GFPT2: variants seen among roughly 807,000 people sequenced by gnomAD.
The protein encoded by GFPT2 is glutamine--fructose-6-phosphate aminotransferase [isomerizing] 2.
GFPT2 carries 62 observed loss-of-function variants against 85.6 expected under a neutral mutation model. The ratio of observed to expected loss-of-function variants is 0.72; its 90% confidence interval spans 0.59 to 0.90. GFPT2 has a LOEUF of 0.90. Ranked by LOEUF, GFPT2 falls within the 40% of genes least tolerant of loss-of-function variation. The pLI is 0.00. For missense variants in GFPT2, 788 were observed against 893.4 expected, an observed-to-expected ratio of 0.88 and a Z score of 1.50; for synonymous variants, 368 against 344.5, an observed-to-expected ratio of 1.07 and a Z score of -0.75.
chr5:180,330,893 C>CAACT lies in GFPT2; in HGVS notation c.400-63_400-60dup. 6.7e-7 allele frequency: 1 copy of CAACT among 1,501,754 alleles called. No homozygotes were observed. The highest frequency in any genetic ancestry group is 9.2e-7 in the Non-Finnish European group (1 of 1,084,084). The allele number at this position is 1,501,754 out of a possible 1,614,324, so 93.0% of individuals were successfully genotyped here. A position where few individuals can be genotyped will look rare whatever the true frequency, so the allele number is the denominator to read the frequency against. On this transcript the variant is annotated intron_variant, in intron 5 of 18. Transcript: ENST00000253778. This position sits in a 1 kb window ranked among gnomAD's most constrained non-coding sequence, Gnocchi z 4.4. ...GGTCATTGCACAATGCCTGCCTGGC[C>CAACT]AACTCCCTCTCCTCCCTGGTGATCT...
intron 15 of GFPT2, among the ~76,000 whole-genome samples, chr5:180,309,624 C>T (rs567229915): frequency 6.6e-5 from 10 of 152,152 alleles, no homozygotes; most frequent in Admixed American, 1.3e-4. Flanking sequence ...GTTGGTCAGG[C>T]TGGTCTCGAA....
chr5:180,347,818 T>TG, intron 1 of GFPT2, among the ~76,000 whole-genome samples: 1 of 150,948 alleles, frequency 6.6e-6, no homozygotes, highest in South Asian at 2.1e-4. Context: ...GTGCTGAGCG[T>TG]GGGGGTGGAG....
chr5:180,335,856 G>A lies in GFPT2; in HGVS notation c.312C>T (p.Ser104=). Residue 104 remains serine, a synonymous_variant, in exon 4 of 19, where the codon AGC becomes AGT. Transcript: ENST00000253778. ...ATHGVPSAVN[S]HPQRSDKGNE... Reference sequence around the variant, plus strand: ...TGCCTTTGTCTGAGCGCTGAGGGTGGCTGTTGACAGCACTGGGGACCCCGT... The same window carrying A: ...TGCCTTTGTCTGAGCGCTGAGGGTGACTGTTGACAGCACTGGGGACCCCGT... The A allele has an allele frequency of 6.3e-7, 1 of 1,593,528 alleles. No homozygotes were observed. The highest frequency in any genetic ancestry group is 8.5e-7 in the Non-Finnish European group (1 of 1,173,202).
intron 18 of GFPT2, among the ~76,000 whole-genome samples, 172 bp from the exon 19 acceptor site, chr5:180,301,780 C>T (rs983615874): frequency 2.0e-5 from 3 of 152,000 alleles, no homozygotes; most frequent in Non-Finnish European, 4.4e-5. Flanking sequence ...CTCATTTAAC[C>T]GTATAAGGTT....
At chr5:180,336,656 G>C (rs1280973342) in intron 2 of GFPT2, 79 bp from the exon 3 acceptor site, 6 of 918,134 alleles carry the variant, frequency 6.5e-6, no homozygotes, top group African/African-American at 1.6e-5. Flanking sequence ...CGCAGGGTCA[G>C]GGCTGCATGC....
intron 14 of GFPT2, 25 bp downstream of exon 14, chr5:180,313,782 G>C: frequency 1.3e-6 from 2 of 1,531,244 alleles, no homozygotes; most frequent in Non-Finnish European, 1.7e-6. Context: ...CTCTCCCTGG[G>C]ACGGGCGCCC....
Position 180,343,123 on chromosome 5 carries a change from G to A in GFPT2, c.8-4523C>T, listed in dbSNP as rs1399284979. 1.3e-5 allele frequency among the ~76,000 whole-genome samples: 2 copies of A among 152,190 alleles called. 1 individual carries two copies. Among genetic ancestry groups the A allele is most frequent in the Non-Finnish European group, 2.9e-5 (2 of 68,030 alleles). On this transcript the variant is annotated intron_variant, in intron 1 of 18. Coordinates refer to ENST00000253778, the MANE Select transcript of GFPT2 (RefSeq NM_005110.4). ...TGTACCACCCTAAGGGAAGCAGACA[G>A]ACATCACAGATGACACAAAGGTTCA...
chr5:180,329,347 A>G (rs949693438), intron 6 of GFPT2, among the ~76,000 whole-genome samples: 2 of 152,196 alleles, frequency 1.3e-5, no homozygotes, highest in African/African-American at 4.8e-5. Flanking sequence ...TTTTGTCAAC[A>G]ATAAAATAGG....
At position 180,331,324 on chromosome 5, in the gene GFPT2, G is replaced by C. The variant is rs1346159474; in HGVS notation, c.399+171C>G. 3 of 606,394 alleles carry C rather than the reference G, an allele frequency of 4.9e-6. No individual in the cohort carries two copies. In the African/African-American group the frequency reaches 5.6e-5, roughly 11 times the overall value. 37.6% of individuals were successfully genotyped at this position (606,394 alleles called of 1,614,324 possible). Reference sequence around the variant, plus strand: ...CCTGTTATCTCCTCAAACGAGATCTGCAGGGCCTGGCTCAGCCAAGGCAGA... The same window carrying C: ...CCTGTTATCTCCTCAAACGAGATCTCCAGGGCCTGGCTCAGCCAAGGCAGA... On this transcript the variant is annotated intron_variant, in intron 5 of 18. Coordinates refer to ENST00000253778, the MANE Select transcript of GFPT2 (RefSeq NM_005110.4).
At position 180,323,049 on chromosome 5, in the gene GFPT2, T is replaced by TA. The variant is rs535027478; in HGVS notation, c.794+1138dup. Among the ~76,000 whole-genome samples, 155 of 151,798 alleles carry TA rather than the reference T, an allele frequency of 1.0e-3. No individual in the cohort carries two copies. Among genetic ancestry groups the TA allele is most frequent in the African/African-American group, 3.5e-3 (145 of 41,412 alleles). On this transcript the variant is annotated intron_variant, in intron 9 of 18. Coordinates refer to ENST00000253778, the MANE Select transcript of GFPT2 (RefSeq NM_005110.4). The surrounding 1 kb of genome is among the most constrained non-coding windows in gnomAD (Gnocchi z 4.0). The stretch of plus-strand genomic sequence containing the variant: ...GACAAAATAAATAAATAAATAAAAA[T>TA]AAAAAAAGAAACATCTATCATATTT...
At chr5:180,336,743 C>T (rs1002687677) in intron 2 of GFPT2, among the ~76,000 whole-genome samples, 166 bp from the exon 3 acceptor site, 7 of 152,220 alleles carry the variant, frequency 4.6e-5, no homozygotes, top group African/African-American at 1.7e-4. Context: ...GCTGTGACTG[C>T]GGCCAGGCTT....
chr5:180,312,485 T>C lies in GFPT2; in HGVS notation c.1491A>G (p.Arg497=). ...VMFGLMMSED[R]ISLQNRRQEI... The stretch of plus-strand genomic sequence containing the variant: ...CTTGCCTCCTGTTTTGTAGTGAAAT[T>C]CGGTCTTCAGACATCATCAAACCAA... Residue 497 remains arginine, a synonymous_variant, in exon 15 of 19, where the codon CGA becomes CGG. Transcript: ENST00000253778. The C allele has an allele frequency of 6.2e-7, 1 of 1,612,220 alleles. No individual in the cohort carries two copies. The highest frequency in any genetic ancestry group is 8.5e-7 in the Non-Finnish European group (1 of 1,178,254).
intron 15 of GFPT2, among the ~76,000 whole-genome samples, chr5:180,311,090 C>G (rs1763872236): frequency 1.3e-5 from 2 of 152,306 alleles, no homozygotes; most frequent in African/African-American, 4.8e-5. Flanking sequence ...TGGAATTGAC[C>G]ATTCTCTATG....
intron 2 of GFPT2, among the ~76,000 whole-genome samples, chr5:180,336,840 C>G (rs1446064859): frequency 1.3e-5 from 2 of 152,268 alleles, no homozygotes; most frequent in Non-Finnish European, 2.9e-5. Context: ...CCCCTCGGGA[C>G]ACTTCCCCGC....
intron 2 of GFPT2, among the ~76,000 whole-genome samples, chr5:180,338,001 G>A (rs956132111): frequency 3.3e-5 from 5 of 152,148 alleles, no homozygotes; most frequent in Admixed American, 2.0e-4. Context: ...GTGTGGTGGT[G>A]CACGCCTGTA....
At chr5:180,338,400 G>A (rs1764444048) in intron 2 of GFPT2, 93 bp downstream of exon 2, 3 of 515,632 alleles carry the variant, frequency 5.8e-6, no homozygotes, top group Admixed American at 7.4e-5. Context: ...CAGAAAAAAT[G>A]CCCTGGTTGT....
At chr5:180,326,440 C>T (rs1349950245) in intron 7 of GFPT2, among the ~76,000 whole-genome samples, 1 of 152,174 alleles carries the variant, frequency 6.6e-6, no homozygotes, top group African/African-American at 2.4e-5. Context: ...TGAATCCAGT[C>T]CACATATATC....
chr5:180,332,156 C>T (rs1240838640), intron 4 of GFPT2, among the ~76,000 whole-genome samples: 1 of 152,220 alleles, frequency 6.6e-6, no homozygotes, highest in Middle Eastern at 3.2e-3. Context: ...TTTCCCACCT[C>T]CCCAGTTCCT....
At chr5:180,315,851 C>A (rs1178706670) in intron 13 of GFPT2, among the ~76,000 whole-genome samples, 1 of 152,172 alleles carries the variant, frequency 6.6e-6, no homozygotes, top group Non-Finnish European at 1.5e-5. Flanking sequence ...TAAAAGGGAG[C>A]ACTGTCTCCC....
Sources: gnomAD v4.1 joint callset for allele counts (sites outside exome capture counted in the v4.1 genomes callset) on GRCh38, gnomAD v4.1.1 for gene constraint, Gnocchi (gnomAD v3.1) non-coding constraint, MANE v1.5 for transcripts, NCBI Gene and HGNC (gene_info 2026-07-23, HGNC 2026-07-21) for gene names.